The following PCDH9 variants were observed in gnomAD, a reference collection of about 807,000 sequenced individuals.
The protein encoded by PCDH9 is protocadherin-9.
PCDH9 carries 24 observed loss-of-function variants against 70.6 expected under a neutral mutation model. That is an observed-to-expected ratio of 0.34 (90% confidence interval 0.25 to 0.48). The LOEUF is 0.48. PCDH9 is among the 20% of genes least tolerant of loss of function. PCDH9 has a pLI of 0.99. For missense variants in PCDH9, 1,281 were observed against 1,503.6 expected (o/e 0.85, Z 2.45); for synonymous variants, 562 against 558.5 (o/e 1.01, Z -0.09).
intron 3 of PCDH9, among the ~76,000 whole-genome samples, chr13:66,692,713 A>G (rs1404738504): frequency 6.6e-6 from 1 of 152,048 alleles, no homozygotes; most frequent in Non-Finnish European, 1.5e-5. Context: ...TTACAATTAT[A>G]TTTAGATTAC....
At position 67,228,218 on chromosome 13, in the gene PCDH9, A is replaced by T. The variant is rs768118142; in HGVS notation, c.223T>A (p.Leu75Met). ...RLVSKAGDAP[L>M]VKVSSSTGEI... ...CCAGTGCTGCTGGAAACTTTCACCA[A>T]AGGGGCATCCCCAGCTTTAGAAACC... Residue 75 changes from leucine to methionine, a missense_variant, in exon 2 of 5, where the codon TTG becomes ATG. By Grantham distance (15) the Leu-to-Met change is conservative. Coordinates refer to ENST00000377865, the MANE Select transcript of PCDH9 (RefSeq NM_203487.3). The T allele has an allele frequency of 1.9e-6, 3 of 1,612,662 alleles. No homozygotes were observed.
chr13:66,729,081 T>C (rs1357307873), intron 3 of PCDH9, among the ~76,000 whole-genome samples: 3 of 152,152 alleles, frequency 2.0e-5, no homozygotes, highest in African/African-American at 4.8e-5. Flanking sequence ...TTCATAGACA[T>C]GGATATCTAT....
intron 3 of PCDH9, among the ~76,000 whole-genome samples, chr13:66,711,684 C>T (rs556023218): frequency 5.9e-5 from 9 of 152,152 alleles, no homozygotes; most frequent in East Asian, 1.9e-4. Flanking sequence ...ATGTTACTTT[C>T]GAAATATACT....
intron 4 of PCDH9, among the ~76,000 whole-genome samples, chr13:66,423,100 T>A (rs926053273): frequency 1.3e-5 from 2 of 151,940 alleles, no homozygotes; most frequent in Non-Finnish European, 2.9e-5. Flanking sequence ...CTCCCAAGAA[T>A]AAACCAGGAA....
chr13:67,038,463 A>G (rs182185579), intron 2 of PCDH9, among the ~76,000 whole-genome samples: 5 of 152,334 alleles, frequency 3.3e-5, no homozygotes, highest in Admixed American at 2.0e-4. Context: ...TTAGGATTTT[A>G]AGAAAGTGTA....
chr13:66,904,114 G>A (rs796931446), intron 2 of PCDH9, among the ~76,000 whole-genome samples: 1 of 151,756 alleles, frequency 6.6e-6, no homozygotes. Context: ...ACCTTTATAA[G>A]TGATACATTT....
intron 3 of PCDH9, among the ~76,000 whole-genome samples, chr13:66,767,225 G>A (rs1238777878): frequency 6.6e-6 from 1 of 151,024 alleles, no homozygotes; most frequent in Admixed American, 6.6e-5. Context: ...GTGCTGGGGA[G>A]ATGGTCTCAC....
At chr13:66,643,797 A>C (rs2077737693) in intron 3 of PCDH9, among the ~76,000 whole-genome samples, 1 of 152,000 alleles carries the variant, frequency 6.6e-6, no homozygotes, top group South Asian at 2.1e-4. Context: ...TGTTTTTTGA[A>C]GATAAAAATG....
intron 3 of PCDH9, among the ~76,000 whole-genome samples, chr13:66,676,030 C>T (rs566643431): frequency 6.6e-6 from 1 of 152,286 alleles, no homozygotes; most frequent in South Asian, 2.1e-4. Flanking sequence ...AGAACTGCAT[C>T]TAGACGATTT....
chr13:66,436,634 G>A (rs1436737680), intron 4 of PCDH9, among the ~76,000 whole-genome samples: 1 of 152,124 alleles, frequency 6.6e-6, no homozygotes, highest in Non-Finnish European at 1.5e-5. Context: ...TACTTCTGAA[G>A]TGGTTTGTTC....
At chr13:66,582,640 G>GAATA (rs985899839) in intron 4 of PCDH9, among the ~76,000 whole-genome samples, 2 of 151,894 alleles carry the variant, frequency 1.3e-5, no homozygotes, top group Non-Finnish European at 2.9e-5. Context: ...TCAAACAAAT[G>GAATA]AATAAATAAA....
intron 3 of PCDH9, among the ~76,000 whole-genome samples, chr13:66,644,043 T>C (rs1377445065): frequency 6.6e-6 from 1 of 151,970 alleles, no homozygotes; most frequent in Non-Finnish European, 1.5e-5. Context: ...AATTTATACA[T>C]AGGCTCACAA....
chr13:66,351,848 T>TG (rs2138172356), intron 4 of PCDH9, among the ~76,000 whole-genome samples: 1 of 44,908 alleles, frequency 2.2e-5, no homozygotes, highest in South Asian at 1.2e-3. Context: ...TTTTCTTTTC[T>TG]TTTTTTTTAA....
chr13:66,793,166 G>A (rs1276440852), intron 3 of PCDH9, among the ~76,000 whole-genome samples: 1 of 151,720 alleles, frequency 6.6e-6, no homozygotes, highest in African/African-American at 2.4e-5. Context: ...TCATATGATG[G>A]TCATTAGATG....
chr13:66,584,403 C>G (rs2076935187), intron 4 of PCDH9, among the ~76,000 whole-genome samples: 1 of 152,082 alleles, frequency 6.6e-6, no homozygotes, highest in African/African-American at 2.4e-5. Flanking sequence ...AAGATTGACA[C>G]TAAATATTAC....
chr13:66,932,603 T>C (rs1439585997), intron 2 of PCDH9, among the ~76,000 whole-genome samples: 1 of 150,016 alleles, frequency 6.7e-6, no homozygotes, highest in East Asian at 2.0e-4. Context: ...CTTTTGAAAG[T>C]TTGGGGGAAA....
intron 3 of PCDH9, among the ~76,000 whole-genome samples, chr13:66,832,416 T>C (rs1337125618): frequency 1.3e-5 from 2 of 152,114 alleles, no homozygotes; most frequent in Non-Finnish European, 2.9e-5. Context: ...TCTTGAATAA[T>C]GATAAATTAT....
chr13:66,333,674 GTTAT>G (rs932030963), intron 4 of PCDH9, among the ~76,000 whole-genome samples: 2 of 152,030 alleles, frequency 1.3e-5, no homozygotes, highest in African/African-American at 4.8e-5. Flanking sequence ...GTTTTGAAGG[GTTAT>G]TTTTGTTGAT....
intron 4 of PCDH9, among the ~76,000 whole-genome samples, chr13:66,488,812 C>A (rs549177464): frequency 1.4e-4 from 21 of 152,114 alleles, no homozygotes; most frequent in Admixed American, 1.0e-3. Flanking sequence ...TGCTAGTAAT[C>A]CATCTTGAGG....
Sources: gnomAD v4.1 joint callset for allele counts (sites outside exome capture counted in the v4.1 genomes callset) on GRCh38, gnomAD v4.1.1 for gene constraint, MANE v1.5 for transcripts, NCBI Gene and HGNC (gene_info 2026-07-23, HGNC 2026-07-21) for gene names.